CSGALNACT1: variants seen among roughly 807,000 people sequenced by gnomAD.
The protein encoded by CSGALNACT1 is chondroitin sulfate N-acetylgalactosaminyltransferase 1.
CSGALNACT1 carries 52 observed loss-of-function variants against 51.0 expected under a neutral mutation model. The ratio of observed to expected loss-of-function variants is 1.02; its 90% confidence interval spans 0.82 to 1.29. The LOEUF (loss-of-function observed/expected upper bound fraction) is 1.29, where lower values mean the gene tolerates loss of function less well. Ranked by LOEUF, CSGALNACT1 falls within the 50% of genes most tolerant of loss-of-function variation. CSGALNACT1 has a pLI of 0.00. For synonymous variants in CSGALNACT1, 341 were observed against 254.4 expected (o/e 1.34, Z -3.24); for missense variants, 935 against 679.2 (o/e 1.38, Z -4.19).
At chr8:19,592,400 T>C (rs142186918) in intron 2 of CSGALNACT1, among the ~76,000 whole-genome samples, 49 of 152,334 alleles carry the variant, frequency 3.2e-4, no homozygotes, top group African/African-American at 1.1e-3. Context: ...AAATAGTATA[T>C]ATATTTATTT....
intron 1 of CSGALNACT1, among the ~76,000 whole-genome samples, chr8:19,662,074 A>G (rs375890633): frequency 5.7e-5 from 2 of 35,040 alleles, no homozygotes; most frequent in African/African-American, 2.1e-4. Context: ...ACCCCCCCCC[A>G]CCCCCCCCCC....
intron 3 of CSGALNACT1, among the ~76,000 whole-genome samples, chr8:19,553,986 T>G (rs151297965): frequency 5.9e-4 from 88 of 149,206 alleles, no homozygotes; most frequent in African/African-American, 2.1e-3. Context: ...TAGAGAAAAA[T>G]AAGAAAAGAT....
intron 1 of CSGALNACT1, among the ~76,000 whole-genome samples, chr8:19,630,499 C>T (rs960309275): frequency 5.9e-5 from 9 of 151,936 alleles, no homozygotes; most frequent in African/African-American, 2.2e-4. Context: ...CTATTATTAA[C>T]TTTACATTAG....
intron 4 of CSGALNACT1, among the ~76,000 whole-genome samples, chr8:19,464,064 C>G (rs1000794160): frequency 2.0e-5 from 3 of 152,196 alleles, no homozygotes; most frequent in Non-Finnish European, 2.9e-5. Context: ...CGGGTTGTGA[C>G]AGATGTCACA....
At chr8:19,560,714 C>T (rs2040515463) in intron 3 of CSGALNACT1, among the ~76,000 whole-genome samples, 1 of 152,176 alleles carries the variant, frequency 6.6e-6, no homozygotes, top group African/African-American at 2.4e-5. Flanking sequence ...AAGTATGACA[C>T]TACTAAGTGC....
At chr8:19,666,468 G>A (rs534425696) in intron 1 of CSGALNACT1, among the ~76,000 whole-genome samples, 2 of 151,926 alleles carry the variant, frequency 1.3e-5, no homozygotes, top group South Asian at 2.1e-4. Context: ...GCTGAGGCGG[G>A]TGAATCACTT....
intron 1 of CSGALNACT1, among the ~76,000 whole-genome samples, chr8:19,633,278 T>C (rs1045220638): frequency 2.6e-5 from 4 of 152,096 alleles, no homozygotes; most frequent in African/African-American, 9.7e-5. Flanking sequence ...TATGAGTCAT[T>C]TGATTTTTGT....
chr8:19,666,819 GAGAGAGAGAGAGAGAAAGAAAGAAAGAA>G lies in CSGALNACT1; in HGVS notation c.-544+15626_-544+15653del, dbSNP rs2059252169. 1.8e-4 allele frequency among the ~76,000 whole-genome samples: 10 copies of G among 54,380 alleles called. 1 individual carries two copies. Among genetic ancestry groups the G allele is most frequent in the African/African-American group, 4.6e-4 (5 of 10,930 alleles). The allele number at this position is 54,380 out of a possible 152,430, so 35.7% of individuals were successfully genotyped here. A position where few individuals can be genotyped will look rare whatever the true frequency, so the allele number is the denominator to read the frequency against. On this transcript the variant is annotated intron_variant, in intron 1 of 9. Transcript: ENST00000332246. The stretch of plus-strand genomic sequence containing the variant: ...AGAAAGAAAGAAAGAAAGAGAGAGA[GAGAGAGAGAGAGAGAAAGAAAGAAAGAA>G]AGAAAGAAAGAAAGAAAGAAAGAAA...
chr8:19,629,739 T>C (rs2054955384), intron 1 of CSGALNACT1, among the ~76,000 whole-genome samples: 1 of 152,170 alleles, frequency 6.6e-6, no homozygotes, highest in Admixed American at 6.6e-5. Flanking sequence ...TGACATCAGC[T>C]CCAAATCCAC....
rs553554870 is a variant in CSGALNACT1, at chr8:19,712,896, C to A, written c.-297+44954G>T. Reference sequence around the variant, plus strand: ...TTGGAAACAATGAACCCAATCCTGACTGATGTTAAGGCTCCTGGTGGACCC... The same window carrying A: ...TTGGAAACAATGAACCCAATCCTGAATGATGTTAAGGCTCCTGGTGGACCC... On this transcript the variant is annotated intron_variant, in intron 1 of 1. Transcript: ENST00000517494. Among the ~76,000 whole-genome samples the A allele has an allele frequency of 2.0e-5, 3 of 152,314 alleles. No individual in the cohort carries two copies. In the East Asian group the frequency reaches 5.8e-4, roughly 29 times the overall value.
chr8:19,572,712 T>C (rs1449907535), intron 3 of CSGALNACT1, among the ~76,000 whole-genome samples: 1 of 152,226 alleles, frequency 6.6e-6, no homozygotes, highest in Non-Finnish European at 1.5e-5. Flanking sequence ...AGGTGGAAAT[T>C]GGATAGCAAA....
chr8:19,479,520 A>C (rs1411312223), intron 4 of CSGALNACT1, among the ~76,000 whole-genome samples: 3 of 152,170 alleles, frequency 2.0e-5, no homozygotes, highest in African/African-American at 7.2e-5. Context: ...GGTCCTCATT[A>C]GTTCTGTCTT....
intron 1 of CSGALNACT1, among the ~76,000 whole-genome samples, chr8:19,636,121 G>A (rs1279381974): frequency 6.6e-6 from 1 of 152,074 alleles, no homozygotes; most frequent in African/African-American, 2.4e-5. Context: ...TTCACTTTCT[G>A]CAGTTTCCAT....
exon 10 of CSGALNACT1, chr8:19,404,622 AT>A (rs746903152): frequency 1.4e-5 from 6 of 434,066 alleles, no homozygotes; most frequent in African/African-American, 4.1e-5. Flanking sequence ...ATATATATAT[AT>A]TTTTTTCTCC....
intron 1 of CSGALNACT1, among the ~76,000 whole-genome samples, chr8:19,699,424 C>T (rs2061744917): frequency 6.6e-6 from 1 of 152,138 alleles, no homozygotes; most frequent in Admixed American, 6.5e-5. Context: ...ACATAAAATG[C>T]TCTGATCATG....
chr8:19,734,147 G>T (rs1022888800), intron 1 of CSGALNACT1, among the ~76,000 whole-genome samples: 4 of 152,112 alleles, frequency 2.6e-5, no homozygotes, highest in South Asian at 2.1e-4. Flanking sequence ...CAGAATCAAG[G>T]TATGTGAATC....
Position 19,747,328 on chromosome 8 carries a change from A to C in CSGALNACT1, c.-297+10522T>G, listed in dbSNP as rs570312743. ...CCAAACGTGAAGATACTGGTTCTAC[A>C]TACAGGGTCTAAGGAGGCGTTCCCT... On this transcript the variant is annotated intron_variant, in intron 1 of 1. Transcript: ENST00000517494. Among the ~76,000 whole-genome samples the C allele has an allele frequency of 9.5e-4, 144 of 152,266 alleles. No individual in the cohort carries two copies. The Middle Eastern group carries it at 0.014, about 14-fold the overall frequency.
chr8:19,753,181 G>C (rs567422090), intron 1 of CSGALNACT1, among the ~76,000 whole-genome samples: 10 of 152,200 alleles, frequency 6.6e-5, no homozygotes, highest in Non-Finnish European at 1.5e-4. Flanking sequence ...GGAAGCATTA[G>C]TCTGTGCAAA....
chr8:19,722,031 A>T (rs919761855), intron 1 of CSGALNACT1, among the ~76,000 whole-genome samples: 7 of 151,838 alleles, frequency 4.6e-5, no homozygotes, highest in African/African-American at 1.7e-4. Context: ...TTCATATTGA[A>T]TTTTTTTTTC....
Sources: gnomAD v4.1 joint callset for allele counts (sites outside exome capture counted in the v4.1 genomes callset) on GRCh38, gnomAD v4.1.1 for gene constraint, MANE v1.5 for transcripts, NCBI Gene and HGNC (gene_info 2026-07-23, HGNC 2026-07-21) for gene names.